The following PRKN variants were observed in gnomAD, a reference collection of about 807,000 sequenced individuals.
PRKN encodes E3 ubiquitin-protein ligase parkin.
In PRKN, 56 loss-of-function variants were observed where a neutral mutation model predicts 59.5. That is an observed-to-expected ratio of 0.94 (90% CI 0.76 to 1.18). The LOEUF (loss-of-function observed/expected upper bound fraction) is 1.18, where lower values mean the gene tolerates loss of function less well. Ranked by LOEUF, PRKN falls within the 50% of genes most tolerant of loss-of-function variation. The pLI, the probability that PRKN is intolerant of heterozygous loss-of-function variation, is 0.00. For missense variants in PRKN, 657 were observed against 596.4 expected (o/e 1.10, Z -1.06); for synonymous variants, 250 against 222.1 (o/e 1.13, Z -1.12).
At chr6:161,555,257 T>G (rs1301891029) in intron 8 of PRKN, among the ~76,000 whole-genome samples, 2 of 152,212 alleles carry the variant, frequency 1.3e-5, no homozygotes, top group Non-Finnish European at 2.9e-5. Flanking sequence ...ATAACTTGGT[T>G]CACCTTGAAA....
chr6:161,521,651 A>G (rs1778829581), intron 9 of PRKN, among the ~76,000 whole-genome samples: 1 of 152,232 alleles, frequency 6.6e-6, no homozygotes, highest in Non-Finnish European at 1.5e-5. Flanking sequence ...ACACTTTATT[A>G]TACACATTAC....
chr6:162,724,939 C>T (rs777718423), intron 1 of PRKN, among the ~76,000 whole-genome samples: 12 of 152,232 alleles, frequency 7.9e-5, no homozygotes, highest in South Asian at 2.1e-4. Flanking sequence ...ACCTAGAAAA[C>T]GAACATCTGG....
chr6:161,804,083 G>A (rs541417024), intron 6 of PRKN, among the ~76,000 whole-genome samples: 4 of 152,286 alleles, frequency 2.6e-5, no homozygotes, highest in East Asian at 1.9e-4. Flanking sequence ...GCAAGTGCAC[G>A]GACGCCTCAG....
At chr6:162,382,601 G>C (rs1017237775) in intron 2 of PRKN, among the ~76,000 whole-genome samples, 6 of 152,182 alleles carry the variant, frequency 3.9e-5, no homozygotes, top group Non-Finnish European at 7.4e-5. Flanking sequence ...CTCATGGAAG[G>C]TCTTGCTTTG....
At chr6:162,393,349 G>A (rs942861401) in intron 2 of PRKN, among the ~76,000 whole-genome samples, 5 of 151,420 alleles carry the variant, frequency 3.3e-5, no homozygotes, top group Non-Finnish European at 5.9e-5. Flanking sequence ...TAGTAGAGAC[G>A]GGGTTTCACC....
intron 6 of PRKN, among the ~76,000 whole-genome samples, chr6:161,833,356 C>T (rs1792593906): frequency 6.6e-6 from 1 of 152,148 alleles, no homozygotes; most frequent in African/African-American, 2.4e-5. Context: ...TTCTGAAAGG[C>T]TCATTTTAAT....
intron 7 of PRKN, among the ~76,000 whole-genome samples, chr6:161,710,852 C>CTT (rs56726676): frequency 7.2e-5 from 4 of 55,740 alleles, no homozygotes; most frequent in Non-Finnish European, 1.3e-4. Flanking sequence ...TTCCTTCTTC[C>CTT]CTTCCCTTCC....
chr6:162,562,982 CAGAG>C lies in PRKN; in HGVS notation c.8-119513_8-119510del, dbSNP rs201752654. ...ACCTCAAGCTTTAGGTGGCTCAGAA[CAGAG>C]AGAGAGAAACTCTTTGTTTAAGAGA... On this transcript the variant is annotated intron_variant, in intron 1 of 11. Transcript: ENST00000366898. Among the ~76,000 whole-genome samples the C allele has an allele frequency of 9.1e-3, 1,379 of 152,228 alleles. 18 individuals are homozygous for C. The highest frequency in any genetic ancestry group is 0.031 in the African/African-American group (1,293 of 41,550).
intron 6 of PRKN, among the ~76,000 whole-genome samples, chr6:161,934,304 CTCTT>C (rs1779276140): frequency 6.6e-6 from 1 of 152,126 alleles, no homozygotes; most frequent in African/African-American, 2.4e-5. Flanking sequence ...TCAATTAAAC[CTCTT>C]TCTTTTATGA....
chr6:161,464,931 A>G (rs1356860839), intron 9 of PRKN, among the ~76,000 whole-genome samples: 1 of 152,182 alleles, frequency 6.6e-6, no homozygotes, highest in East Asian at 1.9e-4. Flanking sequence ...GACCCACAAA[A>G]TATCTCCTTG....
rs1569744 is a variant in PRKN, at chr6:161,584,733, T to A, written c.872-15317A>T. Among the ~76,000 whole-genome samples, 1 of 152,192 alleles carries A rather than the reference T, an allele frequency of 6.6e-6. No homozygotes were observed. The highest frequency in any genetic ancestry group is 1.5e-5 in the Non-Finnish European group (1 of 68,040). On this transcript the variant is annotated intron_variant, in intron 7 of 11. Coordinates refer to ENST00000366898, the MANE Select transcript of PRKN (RefSeq NM_004562.3). The surrounding 1 kb of genome is among the most constrained non-coding windows in gnomAD (Gnocchi z 4.8). The stretch of plus-strand genomic sequence containing the variant: ...ATCCTACATCCAGCTTCATTTAGGA[T>A]ATTGCTTCTCAGAAGACATCCCGAA...
At chr6:162,702,785 G>T (rs1459845749) in intron 1 of PRKN, among the ~76,000 whole-genome samples, 1 of 152,098 alleles carries the variant, frequency 6.6e-6, no homozygotes, top group Non-Finnish European at 1.5e-5. Context: ...AATGACAAGA[G>T]AATTAATAGT....
At chr6:162,677,873 T>C (rs1212347228) in intron 1 of PRKN, among the ~76,000 whole-genome samples, 1 of 152,184 alleles carries the variant, frequency 6.6e-6, no homozygotes, top group Non-Finnish European at 1.5e-5. Context: ...TTTGGACATA[T>C]ACATATACCC....
At chr6:162,638,586 A>T (rs1777835915) in intron 1 of PRKN, among the ~76,000 whole-genome samples, 1 of 152,118 alleles carries the variant, frequency 6.6e-6, no homozygotes, top group Non-Finnish European at 1.5e-5. Flanking sequence ...CCTCTGGCCA[A>T]GTCATCTAAA....
intron 1 of PRKN, among the ~76,000 whole-genome samples, chr6:162,621,632 G>C (rs1389547750): frequency 6.6e-6 from 1 of 152,164 alleles, no homozygotes; most frequent in Non-Finnish European, 1.5e-5. Context: ...AATTGACATA[G>C]ACTATTTCTT....
chr6:161,993,360 T>C (rs1781723492), intron 5 of PRKN, among the ~76,000 whole-genome samples: 2 of 151,924 alleles, frequency 1.3e-5, no homozygotes. Context: ...AGGAAATATA[T>C]AAACCTTGGA....
intron 6 of PRKN, among the ~76,000 whole-genome samples, chr6:161,813,125 A>G (rs1791627628): frequency 6.6e-6 from 1 of 152,224 alleles, no homozygotes; most frequent in African/African-American, 2.4e-5. Flanking sequence ...CAGGAAGACC[A>G]GATGCTTAAC....
At chr6:162,588,311 G>C (rs1249886679) in intron 1 of PRKN, among the ~76,000 whole-genome samples, 1 of 151,168 alleles carries the variant, frequency 6.6e-6, no homozygotes, top group Non-Finnish European at 1.5e-5. Context: ...GCGCCCACCG[G>C]AACAAAGTGA....
At position 161,348,350 on chromosome 6, in the gene PRKN, C is replaced by T. The variant is rs182252890; in HGVS notation, c.*1749G>A. The T allele has an allele frequency of 4.0e-4, 85 of 214,672 alleles. No homozygotes were observed. The highest frequency in any genetic ancestry group is 1.9e-3 in the African/African-American group (84 of 44,232). 13.3% of individuals were successfully genotyped at this position (214,672 alleles called of 1,614,324 possible). ...TTTCCCTTACTATAGAGACTTTGAT[C>T]TGTCCACCATTTCTATGTGAGCTTT... On this transcript the variant is annotated 3_prime_UTR_variant, in exon 12 of 12. Transcript: ENST00000366898. This position sits in a 1 kb window ranked among gnomAD's most constrained non-coding sequence, Gnocchi z 4.9.
Sources: allele counts gnomAD v4.1 joint callset (sites outside exome capture counted in the v4.1 genomes callset), GRCh38; gene constraint gnomAD v4.1.1; non-coding constraint Gnocchi (gnomAD v3.1); transcripts MANE v1.5; gene names NCBI Gene and HGNC (gene_info 2026-07-23, HGNC 2026-07-21).